The following AHI1 variants were observed in gnomAD, a reference collection of about 807,000 sequenced individuals.
AHI1 encodes Abelson helper integration site 1, also known as jouberin.
Under a neutral mutation model 149.3 loss-of-function variants are expected in AHI1, and 123 were observed. That is an observed-to-expected ratio of 0.82 (90% CI 0.71 to 0.96). The LOEUF (loss-of-function observed/expected upper bound fraction) is 0.96. Among genes scored for constraint, AHI1 ranks in the 40% least tolerant of loss-of-function variants. The pLI is 0.00. For missense variants in AHI1, 1,439 were observed against 1,422.7 expected, an observed-to-expected ratio of 1.01 and a Z score of -0.18; for synonymous variants, 475 against 459.8, an observed-to-expected ratio of 1.03 and a Z score of -0.42.
Position 135,383,226 on chromosome 6 carries a change from C to CTTTTTTTTTTTTTTTTTT in AHI1, c.3109+11532_3109+11549dup, listed in dbSNP as rs764546253. Reference sequence around the variant, plus strand: ...GATTGATTCCTTCCTTCCCCCCTCCCTTTTTTTTTTTTTTTTTTTTTGAGA... The same window carrying CTTTTTTTTTTTTTTTTTT: ...GATTGATTCCTTCCTTCCCCCCTCCCTTTTTTTTTTTTTTTTTTTTTTTTTTTTTTTTTTTTTTTGAGA... On this transcript the variant is annotated intron_variant, in intron 23 of 28. Transcript: ENST00000265602. 4.6e-4 allele frequency among the ~76,000 whole-genome samples: 35 copies of CTTTTTTTTTTTTTTTTTT among 76,868 alleles called. 9 individuals carry two copies. The highest frequency in any genetic ancestry group is 1.9e-3 in the African/African-American group (28 of 15,038). 50.4% of individuals were successfully genotyped at this position (76,868 alleles called of 152,430 possible).
At chr6:135,492,167 CA>C in intron 4 of AHI1, 60 bp downstream of exon 4, 2 of 1,336,332 alleles carry the variant, frequency 1.5e-6, no homozygotes, top group Non-Finnish European at 2.0e-6. Flanking sequence ...TAAAATAAAC[CA>C]AACTTAAAAG....
At chr6:135,287,716 A>G (rs1050463618) in intron 28 of AHI1, among the ~76,000 whole-genome samples, 15 of 152,242 alleles carry the variant, frequency 9.9e-5, no homozygotes, top group Non-Finnish European at 1.6e-4. Context: ...AGAAAGAAAC[A>G]TTCTTCTTAG....
chr6:135,438,292 A>G (rs1467615204), intron 15 of AHI1, 83 bp downstream of exon 15: 19 of 1,270,384 alleles, frequency 1.5e-5, no homozygotes, highest in Non-Finnish European at 1.9e-5. Flanking sequence ...CTGGAGCATA[A>G]GAGTAGTTAC....
At position 135,404,993 on chromosome 6, in the gene AHI1, T is replaced by C. The variant is rs41287056; in HGVS notation, c.2962-16A>G. ...GTATCACCTCCTAAAAGAAATACAA[T>C]AAAATAAGGAAGTATTCATAATTTC... On this transcript the variant is annotated splice_polypyrimidine_tract_variant and intron_variant, in intron 21 of 28. Coordinates refer to ENST00000265602, the MANE Select transcript of AHI1 (RefSeq NM_001134831.2). 9.7e-3 allele frequency: 15,532 copies of C among 1,593,840 alleles called. 98 individuals are homozygous for C. The highest frequency in any genetic ancestry group is 0.012 in the Non-Finnish European group (13,737 of 1,163,764).
chr6:135,288,929 A>C (rs540488178), intron 28 of AHI1, among the ~76,000 whole-genome samples: 1 of 152,046 alleles, frequency 6.6e-6, no homozygotes, highest in Non-Finnish European at 1.5e-5. Flanking sequence ...GTAAGCGGGA[A>C]TCCACATCCC....
intron 24 of AHI1, among the ~76,000 whole-genome samples, chr6:135,344,067 G>A (rs897828739): frequency 3.3e-5 from 5 of 152,034 alleles, no homozygotes; most frequent in African/African-American, 4.8e-5. Context: ...GGATGTTCAA[G>A]TCCCTTATAT....
intron 8 of AHI1, among the ~76,000 whole-genome samples, chr6:135,462,894 C>T (rs1365711405): frequency 6.6e-6 from 1 of 151,860 alleles, no homozygotes; most frequent in Non-Finnish European, 1.5e-5. Flanking sequence ...GAGTAAGACA[C>T]CATCTCAAAA....
In AHI1 at chr6:135,387,734, A is replaced by G. The variant is rs548794054; in HGVS notation, c.3109+7042T>C. 5 of 1,129,162 alleles carry G rather than the reference A, an allele frequency of 4.4e-6. No homozygotes were observed. In the South Asian group the frequency reaches 2.1e-4, roughly 48 times the overall value. The allele number at this position is 1,129,162 out of a possible 1,614,324, so 69.9% of individuals were successfully genotyped here. ...ATATCTTCCACTCTTTTGGCAATAA[A>G]ACAAACTGTATAATTTCAAACTAAA... On this transcript the variant is annotated intron_variant, in intron 23 of 28. Coordinates refer to ENST00000265602, the MANE Select transcript of AHI1 (RefSeq NM_001134831.2).
intron 5 of AHI1, among the ~76,000 whole-genome samples, chr6:135,468,495 G>A (rs1313549500): frequency 6.6e-6 from 1 of 152,110 alleles, no homozygotes; most frequent in African/African-American, 2.4e-5. Context: ...CATGAGGTCA[G>A]GAGTTCGAGA....
chr6:135,383,225 C>CTTTTTTTTTTTTTT (rs1237358406), intron 23 of AHI1, among the ~76,000 whole-genome samples: 1 of 58,762 alleles, frequency 1.7e-5, no homozygotes, highest in African/African-American at 1.3e-4. Context: ...TTCCCCCCTC[C>CTTTTTTTTTTTTTT]CTTTTTTTTT....
At chr6:135,414,053 A>C (rs1781990939) in intron 20 of AHI1, among the ~76,000 whole-genome samples, 1 of 152,202 alleles carries the variant, frequency 6.6e-6, no homozygotes, top group Admixed American at 6.5e-5. Flanking sequence ...ACTTTGAAAA[A>C]GAAAAGAATA....
At position 135,466,074 on chromosome 6, in the gene AHI1, T is replaced by C; in HGVS notation, c.489A>G (p.Pro163=). The change falls in exon 7 of 29, where the codon CCA becomes CCG. Residue 163 remains proline (P), a synonymous_variant. Coordinates refer to ENST00000265602, the MANE Select transcript of AHI1 (RefSeq NM_001134831.2). ...TCTCACTTTTCTGATGATCAACGCC[T>C]GGCTGTGGCTTTGTATGTGTTTTCT... ...THQKTHTKPQ[P]GVDHQKSEKA... 1.2e-6 allele frequency: 2 copies of C among 1,613,992 alleles called. No homozygotes were observed. Among genetic ancestry groups the C allele is most frequent in the Non-Finnish European group, 1.7e-6 (2 of 1,179,878 alleles).
intron 26 of AHI1, among the ~76,000 whole-genome samples, chr6:135,315,546 C>T (rs1256951014): frequency 2.6e-5 from 4 of 152,140 alleles, no homozygotes; most frequent in South Asian, 4.1e-4. Context: ...GTTCCTTTCA[C>T]ATTCACAACT....
At chr6:135,299,932 C>A (rs1246100789) in intron 27 of AHI1, among the ~76,000 whole-genome samples, 1 of 152,078 alleles carries the variant, frequency 6.6e-6, no homozygotes, top group South Asian at 2.1e-4. Flanking sequence ...AAATAAATGA[C>A]AAAATAGGTC....
At chr6:135,359,830 T>C (rs1793573009) in intron 23 of AHI1, among the ~76,000 whole-genome samples, 1 of 151,998 alleles carries the variant, frequency 6.6e-6, no homozygotes, top group African/African-American at 2.4e-5. Flanking sequence ...AAAGGAACTT[T>C]AAAATAATAA....
Position 135,285,298 on chromosome 6 carries a change from C to T in AHI1, c.*347G>A, listed in dbSNP as rs955302702. ...GATTACTTAACAGACATCCTAATAA[C>T]GCAAACACCTTTTATTCACATTTGC... On this transcript the variant is annotated 3_prime_UTR_variant, in exon 29 of 29. Coordinates refer to ENST00000265602, the MANE Select transcript of AHI1 (RefSeq NM_001134831.2). The T allele has an allele frequency of 5.0e-5, 17 of 339,260 alleles. No individual in the cohort carries two copies. The highest frequency in any genetic ancestry group is 8.6e-4 in the Middle Eastern group (1 of 1,158). 21.0% of individuals were successfully genotyped at this position (339,260 alleles called of 1,614,324 possible). A position where few individuals can be genotyped will look rare whatever the true frequency, so the allele number is the denominator to read the frequency against.
intron 5 of AHI1, among the ~76,000 whole-genome samples, chr6:135,477,589 C>G (rs1792889814): frequency 6.6e-6 from 1 of 152,040 alleles, no homozygotes; most frequent in Non-Finnish European, 1.5e-5. Flanking sequence ...ACGGATATCC[C>G]CTTGCTGTTC....
intron 5 of AHI1, among the ~76,000 whole-genome samples, chr6:135,476,435 T>C (rs1427443185): frequency 2.0e-5 from 3 of 152,102 alleles, no homozygotes; most frequent in South Asian, 4.2e-4. Context: ...ATATTCCATA[T>C]GCACTAGAAA....
At chr6:135,369,100 C>T (rs1383231649) in intron 23 of AHI1, among the ~76,000 whole-genome samples, 1 of 152,202 alleles carries the variant, frequency 6.6e-6, no homozygotes, top group African/African-American at 2.4e-5. Context: ...GGGCTCTTCC[C>T]ACTGCTTCCT....
Sources: allele counts gnomAD v4.1 joint callset (sites outside exome capture counted in the v4.1 genomes callset), GRCh38; gene constraint gnomAD v4.1.1; transcripts MANE v1.5; gene names NCBI Gene and HGNC (gene_info 2026-07-23, HGNC 2026-07-21).